Variants in FAM200B observed in about 807,000 individuals in gnomAD.
FAM200B encodes protein FAM200B.
A neutral mutation model predicts 33.1 loss-of-function variants in FAM200B; 32 were observed. The observed-to-expected ratio is 0.97, with a 90% CI of 0.73 to 1.30. The LOEUF (loss-of-function observed/expected upper bound fraction) is 1.30. Ranked by LOEUF, FAM200B falls within the 50% of genes most tolerant of loss-of-function variation. The probability of loss-of-function intolerance (pLI) is 0.00; values close to 1 mark genes in which losing one functional copy is unlikely to be tolerated. For synonymous variants in FAM200B, 240 were observed against 264.8 expected, an observed-to-expected ratio of 0.91 and a Z score of 0.91; for missense variants, 741 against 754.0, an observed-to-expected ratio of 0.98 and a Z score of 0.20.
chr4:15,690,418 T>TA lies in FAM200B; in HGVS notation c.*1469dup, dbSNP rs1719279658. 1 of 165,192 alleles carries TA rather than the reference T, an allele frequency of 6.1e-6. No individual in the cohort carries two copies. The highest frequency in any genetic ancestry group is 2.1e-4 in the South Asian group (1 of 4,828). The allele number at this position is 165,192 out of a possible 1,614,324, so 10.2% of individuals were successfully genotyped here. ...AGGTAATTGATTTTTTCTTTTTTTTTAATGCTTGAAATAAAGTGTTGAAAA... is the reference window on the plus strand; with the variant it reads ...AGGTAATTGATTTTTTCTTTTTTTTTAAATGCTTGAAATAAAGTGTTGAAAA... On this transcript the variant is annotated 3_prime_UTR_variant, in exon 2 of 2. Coordinates refer to ENST00000422728, the MANE Select transcript of FAM200B (RefSeq NM_001145191.2).
chr4:15,671,421 T>A, the FAM200B span, among the ~76,000 whole-genome samples: 2 of 152,032 alleles, frequency 1.3e-5, no homozygotes, highest in African/African-American at 4.8e-5. Context: ...TTAAACAATT[T>A]GATTATGGTG....
chr4:15,687,927 C>T lies in FAM200B; in HGVS notation c.950C>T (p.Thr317Ile). The change falls in exon 2 of 2, where the codon ACT (threonine) becomes ATT (isoleucine). Residue 317 changes from threonine (T) to isoleucine (I), a missense_variant. Thr to Ile is a moderately conservative substitution (Grantham distance 89). Coordinates refer to ENST00000422728, the MANE Select transcript of FAM200B (RefSeq NM_001145191.2). ...GTAATTAAAAAATTACTAGAAGTTA[C>T]TAATAATGGTGCTGTGTGGAATCAT... is the stretch of plus-strand genomic sequence containing the variant. ...SRVIKKLLEV[T>I]NNGAVWNHCF... 2 of 1,550,834 alleles carry T rather than the reference C, an allele frequency of 1.3e-6. No homozygotes were observed. Among genetic ancestry groups the T allele is most frequent in the Non-Finnish European group, 1.7e-6 (2 of 1,146,428 alleles).
chr4:15,675,681 G>A, the FAM200B span, among the ~76,000 whole-genome samples: 26 of 148,202 alleles, frequency 1.8e-4, no homozygotes, highest in Non-Finnish European at 3.3e-4. Context: ...TCCCAGGTTC[G>A]AGCAATTCTC....
chr4:15,642,131 T>C, the FAM200B span, among the ~76,000 whole-genome samples: 1 of 152,164 alleles, frequency 6.6e-6, no homozygotes, highest in African/African-American at 2.4e-5. Context: ...TCATTCTAAT[T>C]CTGGGCAATT....
chr4:15,686,186 C>G (rs552135655), intron 1 of FAM200B, 50 bp from the exon 2 acceptor site: 2 of 152,158 alleles, frequency 1.3e-5, no homozygotes. Context: ...GGCAGTAATA[C>G]TACTTTGTAC....
chr4:15,669,788 G>A, the FAM200B span, among the ~76,000 whole-genome samples: 1 of 152,048 alleles, frequency 6.6e-6, no homozygotes, highest in Non-Finnish European at 1.5e-5. Context: ...CATTTCCAAA[G>A]ACAATATCTA....
At chr4:15,655,198 C>T in the FAM200B span, 12 of 1,405,332 alleles carry the variant, frequency 8.5e-6, no homozygotes, top group Admixed American at 2.3e-5. Context: ...CTCAGCGCTC[C>T]GTTACCTTGT....
In FAM200B at chr4:15,687,127, G is replaced by A; in HGVS notation, c.150G>A (p.Glu50=). ...DSNLQTSTSF[E]PHFKKKKVSA... ...ATCTGCAAACTTCAACTTCATTTGA[G>A]CCACATTTCAAAAAGAAAAAAGTAA... Residue 50 remains glutamate (E), a synonymous_variant, in exon 2 of 2, where the codon GAG becomes GAA. Coordinates refer to ENST00000422728, the MANE Select transcript of FAM200B (RefSeq NM_001145191.2). 1 of 1,548,292 alleles carries A rather than the reference G, an allele frequency of 6.5e-7. No individual in the cohort carries two copies. Among genetic ancestry groups the A allele is most frequent in the Non-Finnish European group, 8.7e-7 (1 of 1,145,884 alleles).
rs986314609 is a variant in FAM200B, at chr4:15,687,444, G to A, written c.467G>A (p.Arg156His). 26 of 1,550,854 alleles carry A rather than the reference G, an allele frequency of 1.7e-5. No homozygotes were observed. Among genetic ancestry groups the A allele is most frequent in the East Asian group, 2.4e-5 (1 of 40,876 alleles). The change falls in exon 2 of 2, where the codon CGT (arginine) becomes CAT (histidine). Residue 156 changes from arginine to histidine, a missense_variant. Coordinates refer to ENST00000422728, the MANE Select transcript of FAM200B (RefSeq NM_001145191.2). ...TTATCATCATATTTAGTTGCATATC[G>A]TGTGGCAAAAGAGAAAATAGCTAAC... ...ALLSSYLVAY[R>H]VAKEKIANTA...
At chr4:15,663,671 G>A in the FAM200B span, among the ~76,000 whole-genome samples, 1 of 152,162 alleles carries the variant, frequency 6.6e-6, no homozygotes, top group African/African-American at 2.4e-5. Context: ...TATAGTCAAA[G>A]AGCTCACAAC....
intron 1 of FAM200B, among the ~76,000 whole-genome samples, chr4:15,685,242 C>G (rs1718725009): frequency 6.6e-6 from 1 of 152,100 alleles, no homozygotes. Context: ...TTTTTATACT[C>G]ATGGATCCCT....
chr4:15,639,214 C>G, the FAM200B span, among the ~76,000 whole-genome samples: 3 of 152,144 alleles, frequency 2.0e-5, no homozygotes, highest in Non-Finnish European at 4.4e-5. Context: ...GTTTCTCCAG[C>G]TAGTAAATCA....
At chr4:15,680,430 G>C (rs1189071233), upstream of FAM200B, among the ~76,000 whole-genome samples, 1 of 152,188 alleles carries the variant, frequency 6.6e-6, no homozygotes. Context: ...CAGCACTTTG[G>C]GAGGCCCAAG....
chr4:15,669,208 C>G, the FAM200B span, among the ~76,000 whole-genome samples: 2 of 152,170 alleles, frequency 1.3e-5, no homozygotes, highest in Admixed American at 6.5e-5. Flanking sequence ...AACCCAGATA[C>G]AAACTACATA....
the FAM200B span, among the ~76,000 whole-genome samples, chr4:15,675,895 C>G: frequency 6.6e-6 from 1 of 152,144 alleles, no homozygotes; most frequent in African/African-American, 2.4e-5. Context: ...AACTCCTGTT[C>G]TAGTTGAATA....
the FAM200B span, chr4:15,644,572 T>A: frequency 6.2e-7 from 1 of 1,614,166 alleles, no homozygotes; most frequent in Non-Finnish European, 8.5e-7. Context: ...ATAAATGGTC[T>A]GGCTGCGTTG....
the FAM200B span, chr4:15,655,491 A>G: frequency 1.5e-6 from 1 of 655,956 alleles, no homozygotes; most frequent in Middle Eastern, 7.8e-4. Flanking sequence ...GGGCGCGCGC[A>G]GAGGCTCGCG....
At chr4:15,684,239 G>C (rs1021221889) in intron 1 of FAM200B, among the ~76,000 whole-genome samples, 3 of 152,032 alleles carry the variant, frequency 2.0e-5, no homozygotes, top group African/African-American at 7.2e-5. Flanking sequence ...ATCGTGTTCG[G>C]GTATGAACAT....
chr4:15,671,905 T>C, the FAM200B span, among the ~76,000 whole-genome samples: 42 of 152,224 alleles, frequency 2.8e-4, no homozygotes, highest in African/African-American at 1.0e-3. Flanking sequence ...GATTGACATC[T>C]ATCTTCCATG....
Sources: allele counts gnomAD v4.1 joint callset (sites outside exome capture counted in the v4.1 genomes callset), GRCh38; gene constraint gnomAD v4.1.1; transcripts MANE v1.5; gene names NCBI Gene and HGNC (gene_info 2026-07-23, HGNC 2026-07-21).